Variants in ZNF407 observed in about 807,000 individuals in gnomAD.
ZNF407 encodes the protein zinc finger protein 407.
A neutral mutation model predicts 131.2 loss-of-function variants in ZNF407; 17 were observed. That is an observed-to-expected ratio of 0.13 (90% confidence interval 0.09 to 0.19). ZNF407 has a LOEUF of 0.19. Ranked by LOEUF, ZNF407 falls within the 10% of genes least tolerant of loss-of-function variation. The pLI, the probability that ZNF407 is intolerant of heterozygous loss-of-function variation, is 1.00. For missense variants in ZNF407, 2,681 were observed against 2,830.6 expected, an observed-to-expected ratio of 0.95 and a Z score of 1.20; for synonymous variants, 1,156 against 1,062.0, an observed-to-expected ratio of 1.09 and a Z score of -1.72.
intron 8 of ZNF407, among the ~76,000 whole-genome samples, chr18:74,922,429 T>C (rs1306953165): frequency 6.6e-6 from 1 of 152,188 alleles, no homozygotes; most frequent in East Asian, 1.9e-4. Context: ...AAACGGATTG[T>C]TCCCTAAAGT....
chr18:74,690,116 TAC>T (rs1260502279), intron 3 of ZNF407, among the ~76,000 whole-genome samples: 1 of 152,180 alleles, frequency 6.6e-6, no homozygotes, highest in East Asian at 1.9e-4. Context: ...TTAACAGAGA[TAC>T]AGATTCATTA....
intron 1 of ZNF407, among the ~76,000 whole-genome samples, chr18:74,607,374 A>G (rs536172150): frequency 2.2e-4 from 34 of 152,152 alleles, no homozygotes; most frequent in Non-Finnish European, 4.4e-4. Flanking sequence ...AGATTAAGTA[A>G]ACCTTCCCAG....
chr18:74,789,541 G>A (rs1403398163), intron 4 of ZNF407, among the ~76,000 whole-genome samples: 1 of 152,110 alleles, frequency 6.6e-6, no homozygotes, highest in African/African-American at 2.4e-5. Context: ...ACAGGCTGTG[G>A]CTGCTGTGCC....
At chr18:74,693,911 T>G (rs551455504) in intron 3 of ZNF407, among the ~76,000 whole-genome samples, 4 of 152,338 alleles carry the variant, frequency 2.6e-5, no homozygotes, top group African/African-American at 9.6e-5. Context: ...ACTGATTCTG[T>G]GCTCATTTTG....
chr18:74,993,257 A>G (rs1451161288), intron 8 of ZNF407, among the ~76,000 whole-genome samples: 1 of 152,246 alleles, frequency 6.6e-6, no homozygotes, highest in African/African-American at 2.4e-5. Flanking sequence ...AAATAACTCT[A>G]GTGCCCATCA....
chr18:74,908,035 A>T lies in ZNF407; in HGVS notation c.5250-12479A>T, dbSNP rs968880495. Among the ~76,000 whole-genome samples the T allele has an allele frequency of 4.6e-5, 7 of 152,306 alleles. No individual in the cohort carries two copies. The South Asian group carries it at 1.2e-3, about 27-fold the overall frequency. On this transcript the variant is annotated intron_variant, in intron 7 of 8. Transcript: ENST00000299687. ...TTCTCCAATTATGAATTGCTTATTC[A>T]TATTTTTTAGTTTCTGAGATTTTTA...
intron 4 of ZNF407, among the ~76,000 whole-genome samples, chr18:74,785,217 C>T (rs1294758191): frequency 6.6e-6 from 1 of 152,136 alleles, no homozygotes; most frequent in Non-Finnish European, 1.5e-5. Context: ...CCATTTTTGT[C>T]GGAGTCTGTG....
intron 3 of ZNF407, among the ~76,000 whole-genome samples, chr18:74,729,198 T>G (rs142412703): frequency 1.3e-3 from 192 of 152,340 alleles, no homozygotes; most frequent in African/African-American, 3.9e-3. Context: ...AGTACTATTA[T>G]GGAGTGATGG....
chr18:75,012,286 T>TACACATAGTGTACGTACACATAGTGTAC (rs1568300415), intron 8 of ZNF407, among the ~76,000 whole-genome samples: 2 of 111,144 alleles, frequency 1.8e-5, no homozygotes, highest in Non-Finnish European at 2.0e-5. Flanking sequence ...ACATAGTGTA[T>TACACATAGTGTACGTACACATAGTGTAC]GTACACATAG....
chr18:74,986,860 A>T (rs1253709802), intron 8 of ZNF407, among the ~76,000 whole-genome samples: 1 of 152,068 alleles, frequency 6.6e-6, no homozygotes, highest in Non-Finnish European at 1.5e-5. Context: ...TCTCTTAGTT[A>T]TATTATTTCT....
rs185889336 is a variant in ZNF407 at position 74,638,221 on chromosome 18, A to G, written c.4687+2515A>G. ...GGTAGTGTTTGTAGCTCAATACGTG[A>G]CAAAGGACAGACAGCTCAGTAGGAG... On this transcript the variant is annotated intron_variant, in intron 2 of 8. Transcript: ENST00000299687. Among the ~76,000 whole-genome samples the G allele has an allele frequency of 3.4e-3, 511 of 152,360 alleles. 4 individuals are homozygous for G. The highest frequency in any genetic ancestry group is 6.3e-3 in the Non-Finnish European group (429 of 68,036).
chr18:74,628,613 T>C (rs1397969962), intron 1 of ZNF407, among the ~76,000 whole-genome samples: 2 of 152,188 alleles, frequency 1.3e-5, no homozygotes, highest in Non-Finnish European at 2.9e-5. Context: ...AGACAAGGTC[T>C]CTGTCTCTGT....
chr18:74,920,234 G>C (rs1971828871), intron 7 of ZNF407, among the ~76,000 whole-genome samples: 1 of 152,096 alleles, frequency 6.6e-6, no homozygotes, highest in South Asian at 2.1e-4. Flanking sequence ...CCCTCGAGTG[G>C]TACCAGAATA....
intron 1 of ZNF407, among the ~76,000 whole-genome samples, chr18:74,617,513 T>C (rs1368138537): frequency 6.6e-6 from 1 of 152,256 alleles, no homozygotes; most frequent in Non-Finnish European, 1.5e-5. Flanking sequence ...CTCTGTCTTT[T>C]ATGACATTTT....
intron 8 of ZNF407, among the ~76,000 whole-genome samples, chr18:75,060,800 C>T (rs1457530910): frequency 2.6e-5 from 4 of 152,196 alleles, no homozygotes; most frequent in South Asian, 2.1e-4. Context: ...CCACCGCGCC[C>T]GGCCGCAGCT....
intron 3 of ZNF407, among the ~76,000 whole-genome samples, chr18:74,779,109 A>ATATT (rs397943457): frequency 8.2e-4 from 20 of 24,380 alleles, no homozygotes; most frequent in African/African-American, 2.6e-3. Flanking sequence ...ATATATATAT[A>ATATT]TTTTTTTTTT....
chr18:74,634,917 G>A lies in ZNF407; in HGVS notation c.3898G>A (p.Asp1300Asn). 3.7e-6 allele frequency: 6 copies of A among 1,613,846 alleles called. No homozygotes were observed. Among genetic ancestry groups the A allele is most frequent in the Non-Finnish European group, 5.1e-6 (6 of 1,179,824 alleles). ...GLEDLKGVQE[D>N]PVLGNKEILM... is the part of the protein sequence containing the mutation. ...GGAAGACTTGAAAGGTGTCCAAGAA[G>A]ATCCCGTTCTGGGGAATAAGGAAAT... The change falls in exon 2 of 9, where the codon GAT (aspartate) becomes AAT (asparagine). Residue 1300 changes from aspartate (D) to asparagine (N), a missense_variant. Transcript: ENST00000299687.
intron 7 of ZNF407, among the ~76,000 whole-genome samples, chr18:74,916,140 TG>T (rs1256469633): frequency 7.4e-5 from 3 of 40,556 alleles, no homozygotes; most frequent in South Asian, 1.6e-3. Context: ...TGTGTGTGTG[TG>T]CATGCATGTG....
intron 6 of ZNF407, among the ~76,000 whole-genome samples, chr18:74,881,662 T>C (rs189076160): frequency 2.6e-5 from 4 of 152,336 alleles, no homozygotes; most frequent in Admixed American, 1.3e-4. Context: ...CTGTTTCAGT[T>C]GTTCTTGGTA....
Sources: gnomAD v4.1 joint callset for allele counts (sites outside exome capture counted in the v4.1 genomes callset) on GRCh38, gnomAD v4.1.1 for gene constraint, MANE v1.5 for transcripts, NCBI Gene and HGNC (gene_info 2026-07-23, HGNC 2026-07-21) for gene names.